Variants in TMEM47 observed in about 807,000 individuals in gnomAD.
TMEM47 encodes the protein transmembrane protein 47.
In TMEM47, 3 loss-of-function variants were observed where a neutral mutation model predicts 12.4. The ratio of observed to expected loss-of-function variants is 0.24; its 90% CI spans 0.11 to 0.63. TMEM47 has a LOEUF of 0.63. TMEM47 is among the 20% of genes least tolerant of loss of function. TMEM47 has a pLI of 0.86. For synonymous variants in TMEM47, 62 were observed against 63.3 expected (o/e 0.98, Z 0.10); for missense variants, 89 against 143.8 (o/e 0.62, Z 1.95).
intron 2 of TMEM47, among the ~76,000 whole-genome samples, chrX:34,633,985 G>T (rs1861815116): frequency 9.0e-6 from 1 of 111,006 alleles, no homozygotes; most frequent in Admixed American, 9.6e-5. Context: ...TTCTGCATTT[G>T]TAAATAATTT....
chrX:34,656,508 A>G, intron 1 of TMEM47, among the ~76,000 whole-genome samples: 1 of 110,664 alleles, frequency 9.0e-6, no homozygotes, highest in Non-Finnish European at 1.9e-5. Flanking sequence ...TCTCGCCTCA[A>G]ATGATAACAA....
At position 34,627,721 on chromosome X, in the gene TMEM47, A is replaced by G. The variant is rs1266675248; in HGVS notation, c.*2592T>C. 8.9e-6 allele frequency: 1 copy of G among 112,035 alleles called. No individual in the cohort carries two copies. Among genetic ancestry groups the G allele is most frequent in the Non-Finnish European group, 1.9e-5 (1 of 53,084 alleles). 9.2% of individuals were successfully genotyped at this position (112,035 alleles called of 1,213,427 possible). A position where few individuals can be genotyped will look rare whatever the true frequency, so the allele number is the denominator to read the frequency against. On this transcript the variant is annotated 3_prime_UTR_variant, in exon 3 of 3. Coordinates refer to ENST00000275954, the MANE Select transcript of TMEM47 (RefSeq NM_031442.4). ...TATCTATAGATGTAGATCTATATCCATAGATATCTATCTAACAATGGGTTT... is the reference window on the plus strand; with the variant it reads ...TATCTATAGATGTAGATCTATATCCGTAGATATCTATCTAACAATGGGTTT...
chrX:34,639,106 C>A, intron 2 of TMEM47, 141 bp downstream of exon 2: 1 of 752,989 alleles, frequency 1.3e-6, no homozygotes. Context: ...AACCTTTAGC[C>A]AAGTTACCTT....
chrX:34,655,259 G>C (rs1922084602), intron 1 of TMEM47, among the ~76,000 whole-genome samples: 1 of 111,968 alleles, frequency 8.9e-6, no homozygotes, highest in Non-Finnish European at 1.9e-5. Context: ...CGTTGCCAAG[G>C]AGTCGTGCAG....
chrX:34,633,528 G>A (rs932980743), intron 2 of TMEM47, among the ~76,000 whole-genome samples: 4 of 111,495 alleles, frequency 3.6e-5, no homozygotes, highest in Admixed American at 9.6e-5. Flanking sequence ...GGGGCCCTTC[G>A]TGGTTCATGG....
chrX:34,637,630 T>G (rs1295533478), intron 2 of TMEM47, among the ~76,000 whole-genome samples: 7 of 111,409 alleles, frequency 6.3e-5, no homozygotes, highest in East Asian at 2.8e-4. Flanking sequence ...TTACAGTTAC[T>G]TATTTGTTTA....
chrX:34,645,963 C>T (rs954264608), intron 1 of TMEM47, among the ~76,000 whole-genome samples: 1 of 111,215 alleles, frequency 9.0e-6, no homozygotes, highest in Non-Finnish European at 1.9e-5. Context: ...CCTTTAGGCC[C>T]GTTCACAGAT....
intron 2 of TMEM47, among the ~76,000 whole-genome samples, chrX:34,631,697 T>A (rs1361641046): frequency 9.0e-6 from 1 of 111,399 alleles, no homozygotes; most frequent in Non-Finnish European, 1.9e-5. Context: ...ACCAAAATAA[T>A]CAGGAAGGGA....
rs1921593889 is a variant in TMEM47 at position 34,630,379 on chromosome X, A to G, written c.480T>C (p.Thr160=). ...GGATGGCACCCCCAAACGAAAATAT[A>G]GTTGCACCCCAGGCCAGGCCATAAC... is the stretch of plus-strand genomic sequence containing the variant. ...NWGYGLAWGA[T]IFSFGGAILY... Residue 160 remains threonine, a synonymous_variant, in exon 3 of 3, where the codon ACT becomes ACC. Coordinates refer to ENST00000275954, the MANE Select transcript of TMEM47 (RefSeq NM_031442.4). 8.3e-7 allele frequency: 1 copy of G among 1,208,834 alleles called. No individual in the cohort carries two copies. The highest frequency in any genetic ancestry group is 1.1e-6 in the Non-Finnish European group (1 of 894,684).
chrX:34,641,557 T>C (rs1005182750), intron 1 of TMEM47, among the ~76,000 whole-genome samples: 2 of 111,872 alleles, frequency 1.8e-5, no homozygotes, highest in African/African-American at 6.5e-5. Flanking sequence ...TAGCTCAGTG[T>C]GAAAAAAAAT....
intron 2 of TMEM47, among the ~76,000 whole-genome samples, chrX:34,636,100 G>A (rs1232469406): frequency 5.4e-5 from 6 of 111,976 alleles, no homozygotes; most frequent in Non-Finnish European, 1.1e-4. Context: ...ACGGTACAGG[G>A]AAATTAACAT....
At chrX:34,633,116 C>G (rs1351490978) in intron 2 of TMEM47, among the ~76,000 whole-genome samples, 1 of 97,327 alleles carries the variant, frequency 1.0e-5, no homozygotes, top group Non-Finnish European at 2.0e-5. Flanking sequence ...CTGAATGTTT[C>G]TAAAGCGATA....
At chrX:34,652,750 T>C (rs943780124) in intron 1 of TMEM47, among the ~76,000 whole-genome samples, 2 of 112,071 alleles carry the variant, frequency 1.8e-5, no homozygotes, top group Non-Finnish European at 3.8e-5. Flanking sequence ...TGGAGAAAGT[T>C]TTGGTGCTCT....
chrX:34,640,903 T>G (rs1319947166), intron 1 of TMEM47, among the ~76,000 whole-genome samples: 1 of 111,587 alleles, frequency 9.0e-6, no homozygotes, highest in African/African-American at 3.3e-5. Context: ...AAGGGGAAAT[T>G]GAACAAATCC....
At chrX:34,651,851 T>C (rs773183212) in intron 1 of TMEM47, among the ~76,000 whole-genome samples, 30 of 112,266 alleles carry the variant, frequency 2.7e-4, no homozygotes, top group African/African-American at 9.7e-4. Context: ...GTAATGCATA[T>C]CAAAATTTAA....
At chrX:34,645,365 G>C (rs1026973119) in intron 1 of TMEM47, among the ~76,000 whole-genome samples, 15 of 111,990 alleles carry the variant, frequency 1.3e-4, no homozygotes, top group Admixed American at 1.1e-3. Flanking sequence ...TGTAACTAAA[G>C]AATTTATCTT....
intron 1 of TMEM47, among the ~76,000 whole-genome samples, chrX:34,645,471 C>A (rs1198409029): frequency 8.9e-6 from 1 of 111,958 alleles, no homozygotes; most frequent in Admixed American, 9.5e-5. Context: ...ATAAACTTAG[C>A]CTAACTACTT....
At chrX:34,634,471 T>C (rs1250163415) in intron 2 of TMEM47, among the ~76,000 whole-genome samples, 5 of 93,275 alleles carry the variant, frequency 5.4e-5, no homozygotes, top group Non-Finnish European at 8.4e-5. Flanking sequence ...GATAAACATA[T>C]ATTGGGTGCC....
intron 1 of TMEM47, among the ~76,000 whole-genome samples, chrX:34,641,184 C>T (rs1310313858): frequency 9.1e-6 from 1 of 110,319 alleles, no homozygotes; most frequent in African/African-American, 3.3e-5. Flanking sequence ...TGCACTTTGG[C>T]ATGATGGAAA....
Sources: allele counts gnomAD v4.1 joint callset (sites outside exome capture counted in the v4.1 genomes callset), GRCh38; gene constraint gnomAD v4.1.1; transcripts MANE v1.5; gene names NCBI Gene and HGNC (gene_info 2026-07-23, HGNC 2026-07-21).